KIAA1217: variants seen among roughly 807,000 people sequenced by gnomAD.
KIAA1217 encodes the protein sickle tail protein homolog.
A neutral mutation model predicts 163.9 loss-of-function variants in KIAA1217; 88 were observed. That is an observed-to-expected ratio of 0.54 (90% confidence interval 0.45 to 0.64). The LOEUF is 0.64. Among genes scored for constraint, KIAA1217 ranks in the 30% least tolerant of loss-of-function variants. KIAA1217 has a pLI of 0.00. For missense variants in KIAA1217, 2,372 were observed against 2,475.0 expected, an observed-to-expected ratio of 0.96 and a Z score of 0.88; for synonymous variants, 903 against 923.1, an observed-to-expected ratio of 0.98 and a Z score of 0.39.
intron 2 of KIAA1217, among the ~76,000 whole-genome samples, chr10:24,240,087 TG>T (rs965072641): frequency 1.1e-3 from 166 of 152,288 alleles, no homozygotes; most frequent in African/African-American, 4.0e-3. Flanking sequence ...GGGTTTTTTT[TG>T]TTTGCTTCGG....
intron 3 of KIAA1217, among the ~76,000 whole-genome samples, chr10:24,417,432 G>A (rs969929422): frequency 4.6e-5 from 7 of 152,310 alleles, no homozygotes; most frequent in South Asian, 4.1e-4. Context: ...AGGCACTCAC[G>A]CTTGAGGGCC....
chr10:23,911,422 T>C (rs190289703), intron 1 of KIAA1217, among the ~76,000 whole-genome samples: 1 of 152,348 alleles, frequency 6.6e-6, no homozygotes, highest in African/African-American at 2.4e-5. Flanking sequence ...CTTCTGTCTT[T>C]GAAATGCAAG....
chr10:23,759,679 T>G (rs934568870), intron 1 of KIAA1217, among the ~76,000 whole-genome samples: 6 of 152,232 alleles, frequency 3.9e-5, no homozygotes, highest in Non-Finnish European at 8.8e-5. Flanking sequence ...GTAACACTCT[T>G]AATAATTAGA....
chr10:24,327,415 T>A (rs983739451), intron 2 of KIAA1217, among the ~76,000 whole-genome samples: 1 of 152,210 alleles, frequency 6.6e-6, no homozygotes, highest in African/African-American at 2.4e-5. Flanking sequence ...AGTATAAATT[T>A]AAGGGAATTT....
rs764680502 is a variant in KIAA1217 at position 24,546,239 on chromosome 10, T to C, written c.5747T>C (p.Ile1916Thr). 6.2e-7 allele frequency: 1 copy of C among 1,614,138 alleles called. No individual in the cohort carries two copies. ...CAAGGTGCCAAGGGCACCAGGACCA[T>C]CCATACTCCCAGCCTCACCAGCTAC... ...LNQGAKGTRT[I>T]HTPSLTSYKA... Residue 1916 changes from isoleucine to threonine, a missense_variant, in exon 21 of 21, where the codon ATC becomes ACC. By Grantham distance (89) the Ile-to-Thr change is moderately conservative (BLOSUM62 -1). This residue lies in a region of KIAA1217 where 690 missense variants were observed against 677.5 expected (regional missense o/e 1.02). Coordinates refer to ENST00000376454, the MANE Select transcript of KIAA1217 (RefSeq NM_019590.5).
At chr10:23,996,658 G>A (rs1238759690) in intron 1 of KIAA1217, among the ~76,000 whole-genome samples, 2 of 152,092 alleles carry the variant, frequency 1.3e-5, no homozygotes, top group Non-Finnish European at 2.9e-5. Flanking sequence ...AAACAACCAT[G>A]AAATAATTGG....
At chr10:24,161,565 T>A (rs2065121322) in intron 2 of KIAA1217, among the ~76,000 whole-genome samples, 1 of 152,242 alleles carries the variant, frequency 6.6e-6, no homozygotes, top group African/African-American at 2.4e-5. Flanking sequence ...TTGTTTTACT[T>A]TCCACACAGG....
chr10:24,243,858 T>C (rs1210621005), intron 2 of KIAA1217, among the ~76,000 whole-genome samples: 2 of 152,148 alleles, frequency 1.3e-5, no homozygotes, highest in African/African-American at 2.4e-5. Flanking sequence ...AGAAGCCCAG[T>C]GAAGCTTTTT....
chr10:24,198,734 G>A (rs545141784), intron 2 of KIAA1217, among the ~76,000 whole-genome samples: 4 of 152,048 alleles, frequency 2.6e-5, no homozygotes, highest in South Asian at 4.1e-4. Flanking sequence ...AAGAAAGTGC[G>A]ACAAATGTTC....
chr10:24,543,230 C>T lies in KIAA1217; in HGVS notation c.3960C>T (p.Ser1320=), dbSNP rs764577840. The change falls in exon 19 of 21, where the codon TCC becomes TCT. Residue 1320 remains serine, a synonymous_variant. Coordinates refer to ENST00000376454, the MANE Select transcript of KIAA1217 (RefSeq NM_019590.5). ...EKQNTDKCHV[S]SHTRLTESSV... ...AAAATACGGATAAGTGTCACGTTTC[C>T]TCTCACACTAGACTAACAGAATCAA... 41 of 1,613,368 alleles carry T rather than the reference C, an allele frequency of 2.5e-5. No individual in the cohort carries two copies. In the East Asian group the frequency reaches 8.5e-4, roughly 33 times the overall value.
chr10:24,058,805 G>A (rs2060615943), intron 2 of KIAA1217, among the ~76,000 whole-genome samples: 1 of 151,996 alleles, frequency 6.6e-6, no homozygotes, highest in African/African-American at 2.4e-5. Flanking sequence ...GATTTTCTAA[G>A]GGTGTGTTAG....
At chr10:24,285,763 G>A (rs144828745) in intron 2 of KIAA1217, among the ~76,000 whole-genome samples, 801 of 152,252 alleles carry the variant, frequency 5.3e-3, no homozygotes, top group Non-Finnish European at 8.7e-3. Context: ...GATAGGAATA[G>A]TGTTGAATCT....
intron 5 of KIAA1217, among the ~76,000 whole-genome samples, chr10:24,446,084 G>A (rs2060909659): frequency 6.6e-6 from 1 of 152,212 alleles, no homozygotes; most frequent in South Asian, 2.1e-4. Context: ...TAACTGGCGT[G>A]AGATGGTATC....
chr10:24,028,558 T>C (rs1031043828), intron 2 of KIAA1217, among the ~76,000 whole-genome samples: 1 of 152,102 alleles, frequency 6.6e-6, no homozygotes, highest in African/African-American at 2.4e-5. Context: ...AAAGAATCAT[T>C]CAAATTAAAT....
At chr10:24,358,380 G>A (rs1342377356) in intron 2 of KIAA1217, among the ~76,000 whole-genome samples, 1 of 152,138 alleles carries the variant, frequency 6.6e-6, no homozygotes, top group African/African-American at 2.4e-5. Context: ...CAGGCACTTT[G>A]TAGAACACCG....
chr10:23,724,402 T>C (rs758980722), intron 1 of KIAA1217, among the ~76,000 whole-genome samples: 1 of 152,260 alleles, frequency 6.6e-6, no homozygotes, highest in Non-Finnish European at 1.5e-5. Flanking sequence ...TTATTAATTT[T>C]AATTTTTCCT....
intron 1 of KIAA1217, among the ~76,000 whole-genome samples, chr10:23,931,602 A>G (rs562883556): frequency 2.0e-5 from 3 of 152,150 alleles, no homozygotes; most frequent in Non-Finnish European, 4.4e-5. Context: ...TGGTCATGAT[A>G]GGGGGATGGA....
At chr10:23,952,466 G>A (rs1319194909) in intron 1 of KIAA1217, among the ~76,000 whole-genome samples, 6 of 152,290 alleles carry the variant, frequency 3.9e-5, no homozygotes, top group African/African-American at 1.4e-4. Context: ...CCACTGCTGA[G>A]AGAAATCACT....
intron 2 of KIAA1217, among the ~76,000 whole-genome samples, chr10:24,277,226 C>G (rs12769603): frequency 0.32 from 48,539 of 152,000 alleles, 8,539 homozygotes; most frequent in Admixed American, 0.48. Flanking sequence ...AGCGCTCAAC[C>G]TGGATTCCTC....
Sources: gnomAD v4.1 joint callset for allele counts (sites outside exome capture counted in the v4.1 genomes callset) on GRCh38, gnomAD v4.1.1 for gene constraint, gnomAD v4.1.1 regional missense constraint, MANE v1.5 for transcripts, NCBI Gene and HGNC (gene_info 2026-07-23, HGNC 2026-07-21) for gene names.